SGCG: variants seen among roughly 807,000 people sequenced by gnomAD.
The protein encoded by SGCG is sarcoglycan gamma.
In SGCG, 26 loss-of-function variants were observed where a neutral mutation model predicts 29.3. That is an observed-to-expected ratio of 0.89 (90% confidence interval 0.65 to 1.23). SGCG has a LOEUF of 1.23. Among genes scored for constraint, SGCG ranks in the 50% most tolerant of loss-of-function variants. The pLI, the probability that SGCG is intolerant of heterozygous loss-of-function variation, is 0.00. For missense variants in SGCG, 353 were observed against 356.0 expected, an observed-to-expected ratio of 0.99 and a Z score of 0.07; for synonymous variants, 145 against 129.7, an observed-to-expected ratio of 1.12 and a Z score of -0.80.
At chr13:23,206,051 T>C (rs1243499331) in intron 2 of SGCG, among the ~76,000 whole-genome samples, 1 of 152,242 alleles carries the variant, frequency 6.6e-6, no homozygotes, top group Non-Finnish European at 1.5e-5. Context: ...CTTACTTTTG[T>C]AATTATCCTA....
At chr13:23,164,940 T>C in the SGCG span, among the ~76,000 whole-genome samples, 20 of 152,112 alleles carry the variant, frequency 1.3e-4, no homozygotes, top group African/African-American at 4.8e-4. Flanking sequence ...CTCCACACCC[T>C]TTCCCTTCCC....
At chr13:23,191,950 C>T (rs539646710) in intron 1 of SGCG, among the ~76,000 whole-genome samples, 3 of 151,948 alleles carry the variant, frequency 2.0e-5, no homozygotes, top group African/African-American at 7.3e-5. Context: ...CTTAGGTGGG[C>T]GGATCACGAG....
intron 4 of SGCG, among the ~76,000 whole-genome samples, chr13:23,266,741 CTT>C (rs1491097720): frequency 6.6e-6 from 1 of 152,022 alleles, no homozygotes; most frequent in African/African-American, 2.4e-5. Flanking sequence ...TCTCTTCTCT[CTT>C]CTCTCTCTCT....
chr13:23,200,422 C>CA (rs1185121489), intron 1 of SGCG, among the ~76,000 whole-genome samples: 1 of 151,962 alleles, frequency 6.6e-6, no homozygotes, highest in Non-Finnish European at 1.5e-5. Context: ...GAATCTGTTT[C>CA]AAAAAACAAA....
chr13:23,248,952 G>A (rs1879844567), intron 3 of SGCG, among the ~76,000 whole-genome samples: 1 of 140,022 alleles, frequency 7.1e-6, no homozygotes, highest in Non-Finnish European at 1.5e-5. Flanking sequence ...GATCGTGCCA[G>A]TGCACTCCAG....
At chr13:23,272,629 T>G (rs1436317243) in intron 4 of SGCG, among the ~76,000 whole-genome samples, 1 of 152,204 alleles carries the variant, frequency 6.6e-6, no homozygotes. Flanking sequence ...CTTTTCTCAT[T>G]TAAGTATCAG....
intron 7 of SGCG, among the ~76,000 whole-genome samples, chr13:23,321,936 G>A (rs978116397): frequency 4.0e-5 from 6 of 151,464 alleles, no homozygotes; most frequent in South Asian, 4.2e-4. Context: ...GCTCAATTTC[G>A]GTCAACCAGA....
rs984004450 is a variant in SGCG, at chr13:23,223,044, C to A, written c.196-11567C>A. Among the ~76,000 whole-genome samples, 72 of 151,872 alleles carry A rather than the reference C, an allele frequency of 4.7e-4. 1 individual carries two copies. Among genetic ancestry groups the A allele is most frequent in the Non-Finnish European group, 4.0e-4 (27 of 67,920 alleles). ...CTGTAATCCCAGCACTTTGGGAGGCCAAGGTGGGCAGATCACGAGGTCAGG... is the reference window on the plus strand; with the variant it reads ...CTGTAATCCCAGCACTTTGGGAGGCAAAGGTGGGCAGATCACGAGGTCAGG... On this transcript the variant is annotated intron_variant, in intron 2 of 7. Coordinates refer to ENST00000218867, the MANE Select transcript of SGCG (RefSeq NM_000231.3).
chr13:23,236,908 T>C (rs2137548131), intron 3 of SGCG, among the ~76,000 whole-genome samples: 1 of 152,272 alleles, frequency 6.6e-6, no homozygotes, highest in South Asian at 2.1e-4. Flanking sequence ...ATAACTAACA[T>C]GGTTTCCAAT....
At chr13:23,306,876 C>T (rs935814906) in intron 6 of SGCG, among the ~76,000 whole-genome samples, 6 of 152,192 alleles carry the variant, frequency 3.9e-5, no homozygotes, top group African/African-American at 1.4e-4. Context: ...AGTCAGTGCT[C>T]ATACAAGAAT....
At chr13:23,244,649 T>C (rs1001321696) in intron 3 of SGCG, 3 of 152,222 alleles carry the variant, frequency 2.0e-5, no homozygotes, top group African/African-American at 7.2e-5. Context: ...ATGAGAAAAG[T>C]TAATACATCT....
chr13:23,302,818 AG>A (rs1273127906), intron 6 of SGCG, among the ~76,000 whole-genome samples: 2 of 152,194 alleles, frequency 1.3e-5, no homozygotes, highest in East Asian at 3.8e-4. Flanking sequence ...AGTCAAGATC[AG>A]GCATCAATAT....
chr13:23,267,340 G>C (rs995919050), intron 4 of SGCG, among the ~76,000 whole-genome samples: 7 of 152,194 alleles, frequency 4.6e-5, no homozygotes, highest in Admixed American at 1.3e-4. Flanking sequence ...GGTCACTACA[G>C]ACCTGATGTG....
chr13:23,288,173 G>T (rs1881572353), intron 5 of SGCG, among the ~76,000 whole-genome samples: 1 of 152,186 alleles, frequency 6.6e-6, no homozygotes, highest in Non-Finnish European at 1.5e-5. Context: ...GTAGCCTTTG[G>T]AGTTTCTCAG....
At chr13:23,195,275 C>T (rs1877443342) in intron 1 of SGCG, among the ~76,000 whole-genome samples, 1 of 152,116 alleles carries the variant, frequency 6.6e-6, no homozygotes, top group Non-Finnish European at 1.5e-5. Context: ...TTTCTGATTT[C>T]TGAGAGCATC....
At chr13:23,229,717 C>G (rs1879033586) in intron 2 of SGCG, among the ~76,000 whole-genome samples, 1 of 152,186 alleles carries the variant, frequency 6.6e-6, no homozygotes, top group African/African-American at 2.4e-5. Flanking sequence ...CAAATATTTT[C>G]TCCCATTCTG....
chr13:23,186,654 C>T (rs1223781826), intron 1 of SGCG, among the ~76,000 whole-genome samples: 1 of 152,202 alleles, frequency 6.6e-6, no homozygotes, highest in African/African-American at 2.4e-5. Flanking sequence ...TATCCCCCAT[C>T]CTCACAGGGG....
At chr13:23,321,580 C>T (rs1277527355) in intron 7 of SGCG, among the ~76,000 whole-genome samples, 1 of 152,168 alleles carries the variant, frequency 6.6e-6, no homozygotes, top group Non-Finnish European at 1.5e-5. Context: ...GAGATGGCTC[C>T]TCAGTGACTC....
chr13:23,293,466 G>A (rs4304888), intron 5 of SGCG, among the ~76,000 whole-genome samples: 13,785 of 152,122 alleles, frequency 0.091, 687 homozygotes, highest in South Asian at 0.13. Context: ...AAATTACTAA[G>A]GAAGTAGTAA....
Sources: allele counts gnomAD v4.1 joint callset (sites outside exome capture counted in the v4.1 genomes callset), GRCh38; gene constraint gnomAD v4.1.1; transcripts MANE v1.5; gene names NCBI Gene and HGNC (gene_info 2026-07-23, HGNC 2026-07-21).